The following SPAG9 variants were observed in gnomAD, a reference collection of about 807,000 sequenced individuals.
SPAG9 encodes C-Jun-amino-terminal kinase-interacting protein 4.
Under a neutral mutation model 166.5 loss-of-function variants are expected in SPAG9, and 35 were observed. That is an observed-to-expected ratio of 0.21 (90% CI 0.16 to 0.28). The LOEUF is 0.28. Ranked by LOEUF, SPAG9 falls within the 10% of genes least tolerant of loss-of-function variation. SPAG9 has a pLI of 1.00. For missense variants in SPAG9, 1,235 were observed against 1,603.3 expected (o/e 0.77, Z 3.92); for synonymous variants, 534 against 565.5 (o/e 0.94, Z 0.79).
chr17:51,013,659 A>G (rs1461655160), intron 9 of SPAG9, among the ~76,000 whole-genome samples: 1 of 152,204 alleles, frequency 6.6e-6, no homozygotes, highest in Non-Finnish European at 1.5e-5. Flanking sequence ...ACACTTGGCA[A>G]AGGTCAGCAG....
Position 51,007,682 on chromosome 17 carries a change from T to C in SPAG9, c.1214-356A>G, listed in dbSNP as rs928124101. Among the ~76,000 whole-genome samples the C allele has an allele frequency of 2.6e-5, 4 of 152,110 alleles. No individual in the cohort carries two copies. The East Asian group carries it at 5.8e-4, about 22-fold the overall frequency. The stretch of plus-strand genomic sequence containing the variant: ...AATATTCTAATATTCCAACACTACA[T>C]AGGGTAAAAAAGAACAGCTTTAATA... On this transcript the variant is annotated intron_variant, in intron 9 of 29. Transcript: ENST00000262013.
chr17:50,975,755 T>G (rs887310308), intron 27 of SPAG9: 8 of 780,702 alleles, frequency 1.0e-5, no homozygotes, highest in East Asian at 5.5e-5. Context: ...TGACTGCAAG[T>G]GGATAACATT....
chr17:50,968,268 T>C (rs535521787), intron 29 of SPAG9, among the ~76,000 whole-genome samples: 78 of 152,368 alleles, frequency 5.1e-4, no homozygotes, highest in African/African-American at 1.7e-3. Flanking sequence ...ATTTGTCACA[T>C]TGTCATTTAA....
chr17:51,089,938 A>G (rs1320465289), intron 1 of SPAG9, among the ~76,000 whole-genome samples: 1 of 151,370 alleles, frequency 6.6e-6, no homozygotes, highest in South Asian at 2.1e-4. Context: ...TTAGCCTCCC[A>G]AAGTGCTGGA....
intron 2 of SPAG9, 120 bp downstream of exon 2, chr17:51,079,464 C>T (rs982990673): frequency 2.3e-6 from 2 of 867,698 alleles, no homozygotes; most frequent in Non-Finnish European, 3.6e-6. Flanking sequence ...GTCTTGAACT[C>T]CTGAACCCAA....
At chr17:51,100,319 C>CTCTT (rs377540832) in intron 1 of SPAG9, among the ~76,000 whole-genome samples, 17,432 of 151,256 alleles carry the variant, frequency 0.12, 1,225 homozygotes, top group Non-Finnish European at 0.16. Flanking sequence ...AGAGTTAAAA[C>CTCTT]TAGGGTCAGG....
At position 50,996,609 on chromosome 17, in the gene SPAG9, T is replaced by C. The variant is rs2044693150; in HGVS notation, c.1924A>G (p.Arg642Gly). Residue 642 changes from arginine to glycine, a missense_variant, in exon 16 of 30, where the codon AGA (arginine) becomes GGA (glycine). This residue lies in a region of SPAG9 where 493 missense variants were observed against 559.4 expected (regional missense o/e 0.88). Transcript: ENST00000262013. Reference sequence around the variant, plus strand: ...AGACTCCAGCCAAAAGCCTGCACTCTACCGTCTTCCTTCTGAACATGTGCT... The same window carrying C: ...AGACTCCAGCCAAAAGCCTGCACTCCACCGTCTTCCTTCTGAACATGTGCT... ...VKAHVQKEDG[R>G]VQAFGWSLPQ... The C allele has an allele frequency of 6.2e-7, 1 of 1,614,214 alleles. No homozygotes were observed. Among genetic ancestry groups the C allele is most frequent in the Non-Finnish European group, 8.5e-7 (1 of 1,180,038 alleles).
chr17:51,067,924 G>A (rs2047719971), intron 2 of SPAG9, among the ~76,000 whole-genome samples: 1 of 152,178 alleles, frequency 6.6e-6, no homozygotes, highest in Admixed American at 6.5e-5. Context: ...CTCAAAATCA[G>A]AGCTTACCTC....
intron 3 of SPAG9, among the ~76,000 whole-genome samples, chr17:51,053,852 A>T (rs1344957149): frequency 8.7e-4 from 43 of 49,298 alleles, no homozygotes; most frequent in East Asian, 3.1e-3. Flanking sequence ...AAAAAAAAAA[A>T]AAGTATATAT....
intron 19 of SPAG9, among the ~76,000 whole-genome samples, chr17:50,992,113 T>A (rs1455298460): frequency 6.6e-6 from 1 of 151,632 alleles, no homozygotes; most frequent in African/African-American, 2.4e-5. Context: ...GTCTCAAACT[T>A]CTGGGCTCAA....
chr17:51,005,989 A>G (rs746610962), intron 11 of SPAG9, 96 bp downstream of exon 11: 5 of 1,401,306 alleles, frequency 3.6e-6, no homozygotes, highest in Non-Finnish European at 4.9e-6. Context: ...TCCAGGCTTG[A>G]GTGGACAGAA....
In SPAG9 at chr17:51,056,531, T is replaced by C. The variant is rs764432698; in HGVS notation, c.425-49A>G. 5 of 1,220,116 alleles carry C rather than the reference T, an allele frequency of 4.1e-6. No homozygotes were observed. The South Asian group carries it at 6.1e-5, about 15-fold the overall frequency. The allele number at this position is 1,220,116 out of a possible 1,614,324, so 75.6% of individuals were successfully genotyped here. On this transcript the variant is annotated intron_variant, in intron 2 of 29. Transcript: ENST00000262013. The stretch of plus-strand genomic sequence containing the variant: ...GATCAAAACAAAATAAGAAATTTAC[T>C]TGAAAAAGTACATGTTAGACTCAGA...
chr17:51,070,363 A>G (rs1313939226), intron 2 of SPAG9, among the ~76,000 whole-genome samples: 1 of 152,232 alleles, frequency 6.6e-6, no homozygotes, highest in African/African-American at 2.4e-5. Context: ...AATGGAATTT[A>G]CTACTAACCC....
chr17:50,994,928 G>T (rs889163980), intron 18 of SPAG9, 129 bp downstream of exon 18: 4 of 623,266 alleles, frequency 6.4e-6, no homozygotes, highest in East Asian at 2.6e-5. Flanking sequence ...GATTTTAAAA[G>T]GGTGCTGAGG....
At chr17:51,090,234 C>T (rs964345593) in intron 1 of SPAG9, among the ~76,000 whole-genome samples, 1 of 152,024 alleles carries the variant, frequency 6.6e-6, no homozygotes, top group Non-Finnish European at 1.5e-5. Flanking sequence ...AAGTAAGATT[C>T]CACTTGGCCA....
intron 6 of SPAG9, chr17:51,031,338 CA>C (rs1261037813): frequency 6.7e-6 from 2 of 296,904 alleles, no homozygotes; most frequent in Non-Finnish European, 1.3e-5. Flanking sequence ...ACATTCAGGA[CA>C]AATACAAGTT....
At chr17:50,975,842 T>G in intron 27 of SPAG9, 1 of 1,529,340 alleles carries the variant, frequency 6.5e-7, no homozygotes, top group Non-Finnish European at 8.8e-7. Context: ...AAGAAGAGTT[T>G]GGTTCAGAAT....
chr17:51,083,624 G>A (rs1295346288), intron 1 of SPAG9, among the ~76,000 whole-genome samples: 1 of 151,248 alleles, frequency 6.6e-6, no homozygotes, highest in Non-Finnish European at 1.5e-5. Context: ...GTCTACAACT[G>A]CTGAACTGCT....
intron 1 of SPAG9, among the ~76,000 whole-genome samples, chr17:51,083,868 A>G (rs988486594): frequency 6.6e-6 from 1 of 151,828 alleles, no homozygotes; most frequent in South Asian, 2.1e-4. Context: ...AATGCCACCT[A>G]TTTTTCTCAG....
Sources: allele counts gnomAD v4.1 joint callset (sites outside exome capture counted in the v4.1 genomes callset), GRCh38; gene constraint gnomAD v4.1.1; regional missense constraint gnomAD v4.1.1; transcripts MANE v1.5; gene names NCBI Gene and HGNC (gene_info 2026-07-23, HGNC 2026-07-21).